The following CTNNA2 variants were observed in gnomAD, a reference collection of about 807,000 sequenced individuals.
CTNNA2 encodes catenin alpha 2, also known as catenin alpha-2.
CTNNA2 carries 42 observed loss-of-function variants against 101.0 expected under a neutral mutation model. The observed-to-expected ratio is 0.42, with a 90% CI of 0.32 to 0.54. The LOEUF (loss-of-function observed/expected upper bound fraction) is 0.54, where lower values mean the gene tolerates loss of function less well. Among genes scored for constraint, CTNNA2 ranks in the 20% least tolerant of loss-of-function variants. CTNNA2 has a pLI of 0.14. For synonymous variants in CTNNA2, 450 were observed against 456.4 expected, an observed-to-expected ratio of 0.99 and a Z score of 0.18; for missense variants, 871 against 1,223.1, an observed-to-expected ratio of 0.71 and a Z score of 4.29.
intron 7 of CTNNA2, among the ~76,000 whole-genome samples, chr2:80,234,430 GA>G (rs1709434155): frequency 6.6e-6 from 1 of 152,166 alleles, no homozygotes. Context: ...TGGCTTCTAG[GA>G]AAAGTGCTTT....
chr2:80,520,221 A>G (rs1383928045), intron 9 of CTNNA2, among the ~76,000 whole-genome samples: 1 of 152,040 alleles, frequency 6.6e-6, no homozygotes, highest in Non-Finnish European at 1.5e-5. Context: ...ATACTCACCC[A>G]CACTAGAGAC....
intron 9 of CTNNA2, among the ~76,000 whole-genome samples, chr2:80,427,499 G>A (rs966887321): frequency 6.6e-6 from 1 of 152,200 alleles, no homozygotes; most frequent in Non-Finnish European, 1.5e-5. Flanking sequence ...TAGTGGATGT[G>A]AGAGAGGGAG....
rs867502761 is a variant in CTNNA2, at chr2:79,668,241, C to T, written c.102+16583C>T. Among the ~76,000 whole-genome samples, 935 of 94,970 alleles carry T rather than the reference C, an allele frequency of 9.8e-3. 12 individuals carry two copies. Among genetic ancestry groups the T allele is most frequent in the African/African-American group, 0.039 (888 of 22,884 alleles). 62.3% of individuals were successfully genotyped at this position (94,970 alleles called of 152,430 possible). On this transcript the variant is annotated intron_variant, in intron 2 of 18. Coordinates refer to ENST00000402739, the MANE Select transcript of CTNNA2 (RefSeq NM_001282597.3). Reference sequence around the variant, plus strand: ...CGACCTGGGCGACAGAGCGAGACTCCGTCTCAAAAAAAAAAAAAAAAAAAA... The same window carrying T: ...CGACCTGGGCGACAGAGCGAGACTCTGTCTCAAAAAAAAAAAAAAAAAAAA...
At chr2:80,127,067 C>T (rs1702174705) in intron 7 of CTNNA2, among the ~76,000 whole-genome samples, 1 of 152,082 alleles carries the variant, frequency 6.6e-6, no homozygotes, top group Admixed American at 6.6e-5. Flanking sequence ...TTGGAGAAAA[C>T]TGAAATGAGG....
chr2:80,267,312 T>A (rs1423660860), intron 7 of CTNNA2, among the ~76,000 whole-genome samples: 1 of 152,100 alleles, frequency 6.6e-6, no homozygotes, highest in Admixed American at 6.6e-5. Flanking sequence ...ATAGAATAGA[T>A]ATAGCATGGT....
intron 2 of CTNNA2, among the ~76,000 whole-genome samples, chr2:79,256,709 G>A (rs780942311): frequency 5.3e-5 from 8 of 152,194 alleles, no homozygotes; most frequent in Non-Finnish European, 1.0e-4. Flanking sequence ...GCAATGTCCC[G>A]TGAGTCAGCA....
intron 1 of CTNNA2, among the ~76,000 whole-genome samples, chr2:79,614,385 T>C (rs1384624761): frequency 6.6e-6 from 1 of 152,144 alleles, no homozygotes; most frequent in Non-Finnish European, 1.5e-5. Context: ...AGTCCTGATA[T>C]AAAAATCTTG....
At chr2:80,139,535 C>T in intron 7 of CTNNA2, among the ~76,000 whole-genome samples, 1 of 152,192 alleles carries the variant, frequency 6.6e-6, no homozygotes, top group African/African-American at 2.4e-5. Context: ...TTTTCACCCC[C>T]TCTTATGTAT....
intron 9 of CTNNA2, among the ~76,000 whole-genome samples, chr2:80,506,022 C>T (rs1196070325): frequency 6.6e-6 from 1 of 152,152 alleles, no homozygotes; most frequent in Non-Finnish European, 1.5e-5. Flanking sequence ...AAAGTTACAA[C>T]AACATCAGCT....
chr2:80,248,628 C>A (rs1009394126), intron 7 of CTNNA2, among the ~76,000 whole-genome samples: 14 of 152,168 alleles, frequency 9.2e-5, no homozygotes, highest in Admixed American at 6.5e-5. Context: ...CCCGGAGAGT[C>A]TGTCTCTCAG....
At chr2:79,787,888 C>T (rs1023238947) in intron 3 of CTNNA2, among the ~76,000 whole-genome samples, 3 of 151,912 alleles carry the variant, frequency 2.0e-5, no homozygotes, top group East Asian at 1.9e-4. Flanking sequence ...CACACATGCA[C>T]GGTGCCTTTT....
intron 7 of CTNNA2, among the ~76,000 whole-genome samples, chr2:80,370,647 G>T (rs563671557): frequency 2.4e-4 from 36 of 152,212 alleles, no homozygotes; most frequent in Admixed American, 1.9e-3. Flanking sequence ...ACAGTTCAGT[G>T]ACTTTCCTGT....
intron 1 of CTNNA2, chr2:79,524,702 A>AT (rs1672305394): frequency 6.6e-6 from 1 of 151,992 alleles, no homozygotes; most frequent in Admixed American, 6.6e-5. Flanking sequence ...TACACTGTCT[A>AT]TACTGTACTC....
intron 7 of CTNNA2, among the ~76,000 whole-genome samples, chr2:80,122,687 T>C (rs1391168574): frequency 2.0e-5 from 3 of 152,140 alleles, no homozygotes; most frequent in Non-Finnish European, 2.9e-5. Context: ...GTTAGTGAAT[T>C]ATAGATAATT....
chr2:79,652,576 T>G (rs1277959313), intron 2 of CTNNA2, among the ~76,000 whole-genome samples: 2 of 152,110 alleles, frequency 1.3e-5, no homozygotes. Context: ...TCCTACTTCC[T>G]TCCAATAAGG....
chr2:79,899,436 G>C (rs1684934255), intron 6 of CTNNA2, among the ~76,000 whole-genome samples: 1 of 152,132 alleles, frequency 6.6e-6, no homozygotes, highest in African/African-American at 2.4e-5. Flanking sequence ...GCATCCACTA[G>C]ATTTCACAAT....
At chr2:80,612,853 T>G (rs1410353060) in intron 17 of CTNNA2, 1 of 151,542 alleles carries the variant, frequency 6.6e-6, no homozygotes, top group Admixed American at 6.6e-5. Context: ...TATTTCAATT[T>G]GGGTTTGGAA....
intron 1 of CTNNA2, among the ~76,000 whole-genome samples, chr2:79,650,558 G>A (rs1681159197): frequency 1.3e-5 from 2 of 149,930 alleles, no homozygotes; most frequent in Non-Finnish European, 3.0e-5. Flanking sequence ...ATTCTTTGTT[G>A]TTCTCTCCAG....
intron 9 of CTNNA2, among the ~76,000 whole-genome samples, chr2:80,490,459 A>G (rs1686976601): frequency 6.6e-6 from 1 of 152,104 alleles, no homozygotes; most frequent in South Asian, 2.1e-4. Context: ...ATTGAAATTC[A>G]GATTTCATAT....
Sources: gnomAD v4.1 joint callset for allele counts (sites outside exome capture counted in the v4.1 genomes callset) on GRCh38, gnomAD v4.1.1 for gene constraint, MANE v1.5 for transcripts, NCBI Gene and HGNC (gene_info 2026-07-23, HGNC 2026-07-21) for gene names.